Variants in FOXO3 observed in about 807,000 individuals in gnomAD.
The protein encoded by FOXO3 is forkhead box O3.
FOXO3 carries 4 observed loss-of-function variants against 41.9 expected under a neutral mutation model. The ratio of observed to expected loss-of-function variants is 0.10; its 90% CI spans 0.05 to 0.22. The LOEUF (loss-of-function observed/expected upper bound fraction) is 0.22. FOXO3 is among the 10% of genes least tolerant of loss of function. The probability of loss-of-function intolerance (pLI) is 1.00; values close to 1 mark genes in which losing one functional copy is unlikely to be tolerated. For missense variants in FOXO3, 534 were observed against 906.8 expected, an observed-to-expected ratio of 0.59 and a Z score of 5.28; for synonymous variants, 318 against 389.3, an observed-to-expected ratio of 0.82 and a Z score of 2.16.
chr6:108,641,272 C>G (rs757281542), intron 1 of FOXO3, among the ~76,000 whole-genome samples: 2 of 151,990 alleles, frequency 1.3e-5, no homozygotes, highest in Non-Finnish European at 2.9e-5. Flanking sequence ...CTTACTATGC[C>G]TTTAAACTTA....
At chr6:108,575,097 T>C (rs566456877) in intron 1 of FOXO3, among the ~76,000 whole-genome samples, 1 of 152,290 alleles carries the variant, frequency 6.6e-6, no homozygotes, top group South Asian at 2.1e-4. Flanking sequence ...TAAAATTAAA[T>C]ACAATTGAGC....
At chr6:108,560,878 C>T (rs1348877197), upstream of FOXO3, 20 of 962,258 alleles carry the variant, frequency 2.1e-5, no homozygotes, top group Non-Finnish European at 2.3e-5. Context: ...GCGAGGCCGT[C>T]GATTCGCTCG....
intron 1 of FOXO3, among the ~76,000 whole-genome samples, chr6:108,592,292 C>T (rs1460450068): frequency 6.6e-6 from 1 of 152,146 alleles, no homozygotes; most frequent in Non-Finnish European, 1.5e-5. Flanking sequence ...AGTTACACCT[C>T]ATAAAGTTGA....
At position 108,561,136 on chromosome 6, in the gene FOXO3, T is replaced by C; in HGVS notation, c.-73T>C. On this transcript the variant is annotated 5_prime_UTR_variant, in exon 1 of 3. Transcript: ENST00000406360. Reference sequence around the variant, plus strand: ...GGAGCCTTCGCGGCGTCCACGTCCCTCCCCCGCTGCACCCCGCCCCGGCGC... The same window carrying C: ...GGAGCCTTCGCGGCGTCCACGTCCCCCCCCCGCTGCACCCCGCCCCGGCGC... The C allele has an allele frequency of 6.8e-7, 1 of 1,473,274 alleles. No individual in the cohort carries two copies. Among genetic ancestry groups the C allele is most frequent in the South Asian group, 1.3e-5 (1 of 75,216 alleles). The allele number at this position is 1,473,274 out of a possible 1,614,324, so 91.3% of individuals were successfully genotyped here.
chr6:108,600,330 G>A (rs1029344950), intron 1 of FOXO3, among the ~76,000 whole-genome samples: 1 of 151,920 alleles, frequency 6.6e-6, no homozygotes, highest in Non-Finnish European at 1.5e-5. Flanking sequence ...CGGATCACCC[G>A]AGGTCAGGAA....
intron 1 of FOXO3, among the ~76,000 whole-genome samples, chr6:108,596,884 C>CT (rs936383287): frequency 4.6e-4 from 69 of 151,526 alleles, no homozygotes; most frequent in Admixed American, 1.8e-3. Flanking sequence ...CAAAGGGATG[C>CT]TTTTTTTTTC....
At chr6:108,609,627 G>A (rs1437042165) in intron 1 of FOXO3, among the ~76,000 whole-genome samples, 1 of 152,142 alleles carries the variant, frequency 6.6e-6, no homozygotes, top group Admixed American at 6.5e-5. Context: ...TTTGTTTCTC[G>A]CTGCATCTCT....
rs781708741 is a variant in FOXO3, at chr6:108,561,247, G to A, written c.39G>A (p.Pro13=). Residue 13 remains proline, a synonymous_variant, in exon 1 of 3, where the codon CCG becomes CCA. Coordinates refer to ENST00000406360, the MANE Select transcript of FOXO3 (RefSeq NM_001455.4). ...CGGCTTCCCCGGCCCCGCTCTCTCC[G>A]CTCGAAGTGGAGCTGGACCCGGAGT... The part of the protein sequence containing the change: ...EAPASPAPLS[P]LEVELDPEFE... 17 of 1,564,104 alleles carry A rather than the reference G, an allele frequency of 1.1e-5. No individual in the cohort carries two copies. Among genetic ancestry groups the A allele is most frequent in the Non-Finnish European group, 1.3e-5 (15 of 1,157,292 alleles).
rs914421263 is a variant in FOXO3 at position 108,682,213 on chromosome 6, A to C, written c.*2421A>C. Reference sequence around the variant, plus strand: ...GAATTCTTTTCAGACATGGTATCTCATTTATTCTCCTTTTCTAGCGTTTGT... The same window carrying C: ...GAATTCTTTTCAGACATGGTATCTCCTTTATTCTCCTTTTCTAGCGTTTGT... On this transcript the variant is annotated 3_prime_UTR_variant, in exon 3 of 3. Coordinates refer to ENST00000406360, the MANE Select transcript of FOXO3 (RefSeq NM_001455.4). 4 of 152,566 alleles carry C rather than the reference A, an allele frequency of 2.6e-5. No homozygotes were observed. Among genetic ancestry groups the C allele is most frequent in the African/African-American group, 9.7e-5 (4 of 41,424 alleles). The allele number at this position is 152,566 out of a possible 1,614,324, so 9.5% of individuals were successfully genotyped here.
At chr6:108,607,163 A>G (rs1352334273) in intron 1 of FOXO3, among the ~76,000 whole-genome samples, 1 of 151,392 alleles carries the variant, frequency 6.6e-6, no homozygotes, top group East Asian at 1.9e-4. Context: ...TAGAAGAATA[A>G]TATTTCAGCT....
intron 1 of FOXO3, among the ~76,000 whole-genome samples, chr6:108,659,859 G>T (rs1046785276): frequency 6.6e-6 from 1 of 152,196 alleles, no homozygotes; most frequent in Non-Finnish European, 1.5e-5. Flanking sequence ...AATTGTGATA[G>T]ATGGCCATCA....
Position 108,628,722 on chromosome 6 carries a change from A to C in FOXO3, c.622-34733A>C, listed in dbSNP as rs191519615. Among the ~76,000 whole-genome samples, 43 of 152,224 alleles carry C rather than the reference A, an allele frequency of 2.8e-4. 1 individual carries two copies. The highest frequency in any genetic ancestry group is 9.9e-4 in the African/African-American group (41 of 41,532). ...AGCAGTGTTGAAAGAATTTAAACCCACTCTGCAGCCGGGTTATAGCTAGAC... is the reference window on the plus strand; with the variant it reads ...AGCAGTGTTGAAAGAATTTAAACCCCCTCTGCAGCCGGGTTATAGCTAGAC... On this transcript the variant is annotated intron_variant, in intron 1 of 2. Transcript: ENST00000406360.
intron 1 of FOXO3, among the ~76,000 whole-genome samples, chr6:108,585,102 C>T (rs1356876032): frequency 3.3e-5 from 4 of 122,896 alleles, no homozygotes; most frequent in South Asian, 5.5e-4. Flanking sequence ...ACTGCAATGG[C>T]GCAATCTCGG....
chr6:108,655,954 A>G (rs984504663), intron 1 of FOXO3, among the ~76,000 whole-genome samples: 1 of 152,192 alleles, frequency 6.6e-6, no homozygotes, highest in African/African-American at 2.4e-5. Flanking sequence ...CCTGTACACA[A>G]AGTGGGTGAG....
chr6:108,645,391 T>C (rs952955543), intron 1 of FOXO3, among the ~76,000 whole-genome samples: 2 of 152,270 alleles, frequency 1.3e-5, no homozygotes, highest in East Asian at 3.9e-4. Context: ...GGTAAGACCA[T>C]ATGTAAGCCT....
At chr6:108,647,350 A>T (rs914796927) in intron 1 of FOXO3, among the ~76,000 whole-genome samples, 1 of 152,158 alleles carries the variant, frequency 6.6e-6, no homozygotes, top group South Asian at 2.1e-4. Flanking sequence ...CATAATGTTT[A>T]TTGTAGCTGG....
At chr6:108,596,399 A>AG (rs2128364860) in intron 1 of FOXO3, among the ~76,000 whole-genome samples, 1 of 151,946 alleles carries the variant, frequency 6.6e-6, no homozygotes, top group African/African-American at 2.4e-5. Context: ...AAAAAAAAAA[A>AG]AAAAAAAGTT....
At chr6:108,618,001 CA>C (rs1777563302) in intron 1 of FOXO3, 1 of 627,426 alleles carries the variant, frequency 1.6e-6, no homozygotes, top group African/African-American at 1.8e-5. Context: ...GTTCCCTTCT[CA>C]GTAGACACCT....
chr6:108,566,466 G>C (rs77508095), intron 1 of FOXO3, among the ~76,000 whole-genome samples: 104 of 152,282 alleles, frequency 6.8e-4, no homozygotes, highest in African/African-American at 2.4e-3. Context: ...TCTGGCAAAA[G>C]TTTACCATCC....
Sources: allele counts gnomAD v4.1 joint callset (sites outside exome capture counted in the v4.1 genomes callset), GRCh38; gene constraint gnomAD v4.1.1; transcripts MANE v1.5; gene names NCBI Gene and HGNC (gene_info 2026-07-23, HGNC 2026-07-21).